FNDC5: variants seen among roughly 807,000 people sequenced by gnomAD.
FNDC5 encodes fibronectin type III domain-containing protein 5.
Under a neutral mutation model 24.6 loss-of-function variants are expected in FNDC5, and 10 were observed. The ratio of observed to expected loss-of-function variants is 0.41; its 90% CI spans 0.25 to 0.69. The LOEUF (loss-of-function observed/expected upper bound fraction) is 0.69, where lower values mean the gene tolerates loss of function less well. Ranked by LOEUF, FNDC5 falls within the 30% of genes least tolerant of loss-of-function variation. FNDC5 has a pLI of 0.34. For missense variants in FNDC5, 226 were observed against 282.9 expected, an observed-to-expected ratio of 0.80 and a Z score of 1.44; for synonymous variants, 90 against 110.7, an observed-to-expected ratio of 0.81 and a Z score of 1.18.
At chr1:32,871,407 G>A (rs1054367102), upstream of FNDC5, among the ~76,000 whole-genome samples, 4 of 152,194 alleles carry the variant, frequency 2.6e-5, no homozygotes, top group African/African-American at 9.7e-5. Context: ...TGTTTCCAGT[G>A]GGGTTGGGAA....
Position 32,870,757 on chromosome 1 carries a change from C to T in FNDC5, c.-11G>A, listed in dbSNP as rs1641167032. 5 of 1,106,536 alleles carry T rather than the reference C, an allele frequency of 4.5e-6. No individual in the cohort carries two copies. The highest frequency in any genetic ancestry group is 5.5e-6 in the Non-Finnish European group (5 of 908,102). The allele number at this position is 1,106,536 out of a possible 1,614,324, so 68.5% of individuals were successfully genotyped here. A position where few individuals can be genotyped will look rare whatever the true frequency, so the allele number is the denominator to read the frequency against. On this transcript the variant is annotated 5_prime_UTR_variant, in exon 1 of 6. Coordinates refer to ENST00000373471, the MANE Select transcript of FNDC5 (RefSeq NM_153756.3). ...CGACCCGGGGTGTATGGTGGCTCCT[C>T]CGGCCGGCAGGCCCGGGGCGGCGCA...
At chr1:32,870,626 C>T in intron 1 of FNDC5, 27 bp downstream of exon 1, 1 of 1,193,600 alleles carries the variant, frequency 8.4e-7, no homozygotes, top group Non-Finnish European at 1.0e-6. Context: ...TGCCCCGGCG[C>T]CGGCCCCCCG....
upstream of FNDC5, among the ~76,000 whole-genome samples, chr1:32,871,333 A>G (rs761552187): frequency 3.3e-5 from 5 of 152,046 alleles, no homozygotes; most frequent in Non-Finnish European, 1.5e-5. Flanking sequence ...AGACGGGAGC[A>G]GAGGGGAGAG....
chr1:32,867,953 A>G (rs1370082895), intron 3 of FNDC5, 111 bp from the exon 4 acceptor site: 28 of 1,166,582 alleles, frequency 2.4e-5, no homozygotes, highest in Non-Finnish European at 3.3e-5. Context: ...CACATCTAAC[A>G]TACATTCTAG....
chr1:32,868,912 C>A lies in FNDC5; in HGVS notation c.180G>T (p.Glu60Asp). 8.1e-7 allele frequency: 1 copy of A among 1,239,188 alleles called. No homozygotes were observed. 76.8% of individuals were successfully genotyped at this position (1,239,188 alleles called of 1,614,324 possible). ...GGGAGATGGCAAATCCGATGACAAC[C>A]TCATCCTCCAGAACATCCCAGCTCA... Residue 60 changes from glutamate to aspartate, a missense_variant, in exon 2 of 6, where the codon GAG becomes GAT. Physicochemically the swap from Glu to Asp is conservative, Grantham distance 45. Transcript: ENST00000373471. The surrounding 1 kb of genome is among the most constrained non-coding windows in gnomAD (Gnocchi z 4.8).
chr1:32,867,664 A>AC (rs1217361056), intron 4 of FNDC5, 89 bp downstream of exon 4: 1 of 1,294,972 alleles, frequency 7.7e-7, no homozygotes, highest in Non-Finnish European at 1.1e-6. Context: ...CAAACCCCTT[A>AC]CCCTTTTTTT....
chr1:32,864,363 A>C, intron 5 of FNDC5, 64 bp from the exon 6 acceptor site: 1 of 1,601,026 alleles, frequency 6.2e-7, no homozygotes, highest in Non-Finnish European at 8.5e-7. Flanking sequence ...CACAAGGCAC[A>C]GCAGGAGCAG....
At chr1:32,871,229 G>A (rs1197692987), upstream of FNDC5, among the ~76,000 whole-genome samples, 1 of 151,932 alleles carries the variant, frequency 6.6e-6, no homozygotes, top group Admixed American at 6.5e-5. Flanking sequence ...CCACCGAGAT[G>A]CCCGTTTGTG....
intron 4 of FNDC5, among the ~76,000 whole-genome samples, chr1:32,867,116 A>C (rs534443797): frequency 6.6e-6 from 1 of 152,316 alleles, no homozygotes; most frequent in South Asian, 2.1e-4. Context: ...AACAAAAAAA[A>C]ACTTGGTCTT....
At chr1:32,869,311 G>A (rs1641133617) in intron 1 of FNDC5, among the ~76,000 whole-genome samples, 1 of 152,258 alleles carries the variant, frequency 6.6e-6, no homozygotes, top group South Asian at 2.1e-4. Context: ...GGTTAGAGTT[G>A]TGGAGAGAGT....
intron 4 of FNDC5, among the ~76,000 whole-genome samples, chr1:32,865,085 C>A (rs979014271): frequency 1.2e-4 from 18 of 152,018 alleles, no homozygotes; most frequent in African/African-American, 3.9e-4. Context: ...CCTGTTAATT[C>A]CAGCACTTTG....
In FNDC5 at chr1:32,863,965, C is replaced by G; in HGVS notation, c.*329G>C. On this transcript the variant is annotated 3_prime_UTR_variant, in exon 6 of 6. Transcript: ENST00000373471. ...GTCTTGTCTTTTTGCCTTTTCAAAC[C>G]CAGCCTTCAGCCTCACTCAACTGAA... 1.5e-6 allele frequency: 2 copies of G among 1,300,136 alleles called. No individual in the cohort carries two copies. Among genetic ancestry groups the G allele is most frequent in the African/African-American group, 1.5e-5 (1 of 66,172 alleles). 80.5% of individuals were successfully genotyped at this position (1,300,136 alleles called of 1,614,324 possible). A position where few individuals can be genotyped will look rare whatever the true frequency, so the allele number is the denominator to read the frequency against.
intron 4 of FNDC5, among the ~76,000 whole-genome samples, chr1:32,865,642 T>A (rs1641057780): frequency 6.6e-6 from 1 of 152,038 alleles, no homozygotes; most frequent in Admixed American, 6.5e-5. Flanking sequence ...AGAGAGAGAC[T>A]CTGTCTCAAA....
chr1:32,868,716 A>G lies in FNDC5; in HGVS notation c.210+166T>C, dbSNP rs1236786076. ...AGAGAATTTTCAGACATATGTCTGAATGGGGCCCCAATTTTCAGACATATG... is the reference window on the plus strand; with the variant it reads ...AGAGAATTTTCAGACATATGTCTGAGTGGGGCCCCAATTTTCAGACATATG... On this transcript the variant is annotated intron_variant, in intron 2 of 5. Coordinates refer to ENST00000373471, the MANE Select transcript of FNDC5 (RefSeq NM_153756.3). The surrounding 1 kb of genome is among the most constrained non-coding windows in gnomAD (Gnocchi z 4.8). Among the ~76,000 whole-genome samples the G allele has an allele frequency of 6.6e-6, 1 of 152,080 alleles. No homozygotes were observed. The highest frequency in any genetic ancestry group is 2.4e-5 in the African/African-American group (1 of 41,408).
intron 4 of FNDC5, among the ~76,000 whole-genome samples, chr1:32,865,261 G>A (rs1298909753): frequency 7.9e-5 from 12 of 151,724 alleles, no homozygotes; most frequent in African/African-American, 2.4e-4. Context: ...CACCACGTCC[G>A]GCTAATTTTG....
In FNDC5 at chr1:32,868,267, T is replaced by C. The variant is rs1309223305; in HGVS notation, c.332A>G (p.Gln111Arg). 5 of 1,614,064 alleles carry C rather than the reference T, an allele frequency of 3.1e-6. No individual in the cohort carries two copies. The highest frequency in any genetic ancestry group is 1.3e-5 in the African/African-American group (1 of 74,916). Residue 111 changes from glutamine to arginine, a missense_variant, in exon 3 of 6, where the codon CAG becomes CGG. Physicochemically the swap from Gln to Arg is conservative, Grantham distance 43. Transcript: ENST00000373471. This position sits in a 1 kb window ranked among gnomAD's most constrained non-coding sequence, Gnocchi z 4.8. ...AGGCTCGCTGGCTGGGCTCTGGCCC[T>C]GAATGGAGATGGCCTGCACGTGGAC... is the stretch of plus-strand genomic sequence containing the variant.
At chr1:32,866,727 A>C (rs1209059730) in intron 4 of FNDC5, among the ~76,000 whole-genome samples, 2 of 152,226 alleles carry the variant, frequency 1.3e-5, no homozygotes, top group East Asian at 3.9e-4. Flanking sequence ...AAAGAAGAGT[A>C]AACGAAAAGA....
chr1:32,868,154 C>T lies in FNDC5; in HGVS notation c.409+36G>A. 1 of 1,608,398 alleles carries T rather than the reference C, an allele frequency of 6.2e-7. No homozygotes were observed. Among genetic ancestry groups the T allele is most frequent in the Non-Finnish European group, 8.5e-7 (1 of 1,176,696 alleles). On this transcript the variant is annotated intron_variant, in intron 3 of 5. Transcript: ENST00000373471. This position sits in a 1 kb window ranked among gnomAD's most constrained non-coding sequence, Gnocchi z 4.8. ...TGGTCTGGTCCTGACCACCCCTCAC[C>T]CCACCCCATTCCTCTTAACAGTGAC...
At position 32,864,853 on chromosome 1, in the gene FNDC5, GCTT is replaced by G. The variant is rs535663114; in HGVS notation, c.500-59_500-57del. 8.2e-4 allele frequency: 1,312 copies of G among 1,602,418 alleles called. 24 individuals carry two copies. The South Asian group carries it at 0.014, about 17-fold the overall frequency. On this transcript the variant is annotated intron_variant, in intron 4 of 5. Transcript: ENST00000373471. ...CAGAGCCTGGGTTCCTGCCTCCCCT[GCTT>G]CTTTCCCACTAGTGCTTGCCAATGG...
Sources: gnomAD v4.1 joint callset for allele counts (sites outside exome capture counted in the v4.1 genomes callset) on GRCh38, gnomAD v4.1.1 for gene constraint, Gnocchi (gnomAD v3.1) non-coding constraint, MANE v1.5 for transcripts, NCBI Gene and HGNC (gene_info 2026-07-23, HGNC 2026-07-21) for gene names.